The following RABEP2 variants were observed in gnomAD, a reference collection of about 807,000 sequenced individuals.
The protein encoded by RABEP2 is rab GTPase-binding effector protein 2.
In RABEP2, 57 loss-of-function variants were observed where a neutral mutation model predicts 74.1. The observed-to-expected ratio is 0.77, with a 90% CI of 0.62 to 0.96. The LOEUF is 0.96. RABEP2 is among the 40% of genes least tolerant of loss of function. RABEP2 has a pLI of 0.00. For missense variants in RABEP2, 692 were observed against 756.3 expected, an observed-to-expected ratio of 0.91 and a Z score of 1.00; for synonymous variants, 351 against 344.0, an observed-to-expected ratio of 1.02 and a Z score of -0.23.
At chr16:28,914,922 A>G in intron 3 of RABEP2, 140 bp from the exon 4 acceptor site, 1 of 690,288 alleles carries the variant, frequency 1.4e-6, no homozygotes, top group Non-Finnish European at 2.4e-6. Flanking sequence ...TCCAGAGATA[A>G]GAACACAGAG....
rs202010929 is a variant in RABEP2, at chr16:28,906,099, G to A, written c.1343C>T (p.Thr448Met). ...GAERLRIEIVTLREALEEETV... is the reference protein window; with the variant it reads ...GAERLRIEIVMLREALEEETV... ...CTCCTCCTCCAGAGCCTCCCGCAGC[G>A]TCACGATCTCGATCCGCAGGCGCTC... The change falls in exon 9 of 13, where the codon ACG (threonine) becomes ATG (methionine). Residue 448 changes from threonine (T) to methionine (M), a missense_variant. Coordinates refer to ENST00000358201, the MANE Select transcript of RABEP2 (RefSeq NM_024816.3). 45 of 1,596,628 alleles carry A rather than the reference G, an allele frequency of 2.8e-5. No individual in the cohort carries two copies. Among genetic ancestry groups the A allele is most frequent in the Middle Eastern group, 3.4e-4 (2 of 5,968 alleles).
intron 5 of RABEP2, 78 bp from the exon 6 acceptor site, chr16:28,911,257 G>A: frequency 7.6e-7 from 1 of 1,308,508 alleles, no homozygotes; most frequent in Admixed American, 1.9e-5. Context: ...GCCCACCTCT[G>A]CAGGGAGGTG....
At chr16:28,917,955 T>C (rs1473367171) in intron 3 of RABEP2, 1 of 152,130 alleles carries the variant, frequency 6.6e-6, no homozygotes, top group Non-Finnish European at 1.5e-5. Context: ...AGAATATTAA[T>C]TGAAGTATCT....
chr16:28,910,522 G>C, intron 7 of RABEP2: 1 of 168,862 alleles, frequency 5.9e-6, no homozygotes, highest in South Asian at 1.6e-4. Flanking sequence ...TGATCCAACC[G>C]CCTAGGCCTC....
rs748868967 is a variant in RABEP2 at position 28,905,417 on chromosome 16, G to C, written c.1588C>G (p.Arg530Gly). Reference protein sequence around the residue: ...TSEQVQRDFVRLSQALQVRLE... With the variant: ...TSEQVQRDFVGLSQALQVRLE... ...CATACCTGCAGGGCCTGGGACAGTC[G>C]CACGAAATCCCTCTGCACCTGCTCA... Residue 530 changes from arginine to glycine, a missense_variant, in exon 12 of 13, where the codon CGA (arginine) becomes GGA (glycine). By Grantham distance (125) the Arg-to-Gly change is moderately radical. Coordinates refer to ENST00000358201, the MANE Select transcript of RABEP2 (RefSeq NM_024816.3). 6.2e-7 allele frequency: 1 copy of C among 1,606,172 alleles called. No homozygotes were observed. Among genetic ancestry groups the C allele is most frequent in the Non-Finnish European group, 8.5e-7 (1 of 1,177,414 alleles).
intron 8 of RABEP2, 55 bp from the exon 9 acceptor site, chr16:28,906,251 G>A (rs1316860262): frequency 2.0e-6 from 3 of 1,490,222 alleles, no homozygotes; most frequent in Non-Finnish European, 2.7e-6. Context: ...CAGGAGGGCA[G>A]GGGCCACCAG....
intron 8 of RABEP2, 116 bp downstream of exon 8, chr16:28,908,493 G>T: frequency 8.9e-7 from 1 of 1,127,928 alleles, no homozygotes; most frequent in South Asian, 1.7e-5. Flanking sequence ...GAAGGCAAAT[G>T]AGTTAGCCAA....
chr16:28,905,615 G>A, intron 11 of RABEP2, 89 bp downstream of exon 11: 6 of 1,544,184 alleles, frequency 3.9e-6, no homozygotes, highest in Non-Finnish European at 5.3e-6. Context: ...CACCTGGCCT[G>A]AGGGAGACAC....
chr16:28,922,553 C>G (rs1964480990), intron 2 of RABEP2, among the ~76,000 whole-genome samples: 2 of 151,908 alleles, frequency 1.3e-5, no homozygotes. Context: ...AACCCCGTCT[C>G]TACTAAAAAT....
In RABEP2 at chr16:28,905,412, C is replaced by G. The variant is rs368888004; in HGVS notation, c.1593G>C (p.Leu531=). The stretch of plus-strand genomic sequence containing the variant: ...CAGGCCATACCTGCAGGGCCTGGGA[C>G]AGTCGCACGAAATCCCTCTGCACCT... ...SEQVQRDFVR[L]SQALQVRLER... is the part of the protein sequence containing the mutation. The change falls in exon 12 of 13, where the codon CTG becomes CTC. Residue 531 remains leucine, a synonymous_variant. Transcript: ENST00000358201. 1,999 of 1,606,156 alleles carry G rather than the reference C, an allele frequency of 1.2e-3. 6 individuals are homozygous for G. The highest frequency in any genetic ancestry group is 1.6e-3 in the South Asian group (142 of 89,178).
At chr16:28,922,767 G>A (rs886899351) in intron 2 of RABEP2, among the ~76,000 whole-genome samples, 3 of 151,162 alleles carry the variant, frequency 2.0e-5, no homozygotes, top group South Asian at 2.1e-4. Context: ...GGTGGCACAC[G>A]CCTGTAGTCC....
In RABEP2 at chr16:28,914,615, G is replaced by A; in HGVS notation, c.544-29C>T. 4 of 1,610,512 alleles carry A rather than the reference G, an allele frequency of 2.5e-6. No homozygotes were observed. The South Asian group carries it at 3.3e-5, about 13-fold the overall frequency. On this transcript the variant is annotated intron_variant, in intron 4 of 12. Transcript: ENST00000358201. ...GGGAAGGGGGCAGGGAAGAGGCTGG[G>A]GGGCCAGGGTCCTCTGGCACCCCTC...
rs979930951 is a variant in RABEP2 at position 28,904,832 on chromosome 16, CCA to C, written c.*109_*110del. The C allele has an allele frequency of 1.2e-6, 1 of 847,946 alleles. No individual in the cohort carries two copies. The highest frequency in any genetic ancestry group is 1.8e-6 in the Non-Finnish European group (1 of 549,040). The allele number at this position is 847,946 out of a possible 1,614,324, so 52.5% of individuals were successfully genotyped here. On this transcript the variant is annotated 3_prime_UTR_variant, in exon 13 of 13. Coordinates refer to ENST00000358201, the MANE Select transcript of RABEP2 (RefSeq NM_024816.3). ...GTGGCCCCCGTCAGTCCCCTCAACC[CCA>C]GTCTCAGGGACGGTGGAAAAGCCAT... is the stretch of plus-strand genomic sequence containing the variant.
At chr16:28,916,692 A>AG (rs1964399022) in intron 3 of RABEP2, among the ~76,000 whole-genome samples, 1 of 150,112 alleles carries the variant, frequency 6.7e-6, no homozygotes, top group Non-Finnish European at 1.5e-5. Flanking sequence ...AAAAAAAAAA[A>AG]AAAAAATTTC....
intron 3 of RABEP2, among the ~76,000 whole-genome samples, chr16:28,918,107 CTGT>C (rs1259827019): frequency 8.8e-6 from 1 of 114,284 alleles, no homozygotes; most frequent in Non-Finnish European, 1.6e-5. Context: ...GAGTCTCGCT[CTGT>C]CGCCCAGGTG....
chr16:28,925,237 T>C lies in RABEP2; in HGVS notation c.-74A>G. 1 of 1,471,170 alleles carries C rather than the reference T, an allele frequency of 6.8e-7. No homozygotes were observed. The highest frequency in any genetic ancestry group is 9.0e-7 in the Non-Finnish European group (1 of 1,116,374). The allele number at this position is 1,471,170 out of a possible 1,614,324, so 91.1% of individuals were successfully genotyped here. ...ACCGCTTCCGGGTCCTCTCGGCTGT[T>C]TCCGGATCCGCTCGGCTGTTTCCGG... On this transcript the variant is annotated 5_prime_UTR_variant, in exon 1 of 13. Transcript: ENST00000358201.
intron 5 of RABEP2, among the ~76,000 whole-genome samples, 195 bp downstream of exon 5, chr16:28,914,041 C>T (rs989089791): frequency 6.6e-6 from 1 of 151,682 alleles, no homozygotes; most frequent in Non-Finnish European, 1.5e-5. Flanking sequence ...TTCCGAGTGG[C>T]TGGGATGGCA....
At chr16:28,922,951 T>C (rs2152224158) in intron 2 of RABEP2, among the ~76,000 whole-genome samples, 1 of 152,270 alleles carries the variant, frequency 6.6e-6, no homozygotes, top group South Asian at 2.1e-4. Flanking sequence ...TTTGGCTGTT[T>C]TCCAGCTATA....
chr16:28,923,084 C>T (rs1964487849), intron 2 of RABEP2, among the ~76,000 whole-genome samples: 1 of 152,072 alleles, frequency 6.6e-6, no homozygotes, highest in Non-Finnish European at 1.5e-5. Flanking sequence ...AAGCATTTAG[C>T]TCAGTGCCTG....
Sources: gnomAD v4.1 joint callset for allele counts (sites outside exome capture counted in the v4.1 genomes callset) on GRCh38, gnomAD v4.1.1 for gene constraint, MANE v1.5 for transcripts, NCBI Gene and HGNC (gene_info 2026-07-23, HGNC 2026-07-21) for gene names.